PKD1L1: variants seen among roughly 807,000 people sequenced by gnomAD.
PKD1L1 encodes polycystin-1-like protein 1.
A neutral mutation model predicts 323.4 loss-of-function variants in PKD1L1; 236 were observed. The ratio of observed to expected loss-of-function variants is 0.73; its 90% CI spans 0.66 to 0.81. PKD1L1 has a LOEUF of 0.81. Ranked by LOEUF, PKD1L1 falls within the 40% of genes least tolerant of loss-of-function variation. The probability of loss-of-function intolerance (pLI) is 0.00; values close to 1 mark genes in which losing one functional copy is unlikely to be tolerated. For missense variants in PKD1L1, 3,320 were observed against 3,508.0 expected (o/e 0.95, Z 1.35); for synonymous variants, 1,344 against 1,335.0 (o/e 1.01, Z -0.15).
chr7:47,934,848 T>C (rs1185485852), intron 4 of PKD1L1, among the ~76,000 whole-genome samples: 1 of 152,086 alleles, frequency 6.6e-6, no homozygotes, highest in Non-Finnish European at 1.5e-5. Context: ...AGGTCTTCTG[T>C]TGCTAGGAAG....
rs764301663 is a variant in PKD1L1, at chr7:47,946,561, C to T, written c.44+1836G>A. The stretch of plus-strand genomic sequence containing the variant: ...CACATTACACACACATCACACAGCA[C>T]ACACCATGTATCACACACACACCAT... On this transcript the variant is annotated intron_variant, in intron 1 of 56. Transcript: ENST00000289672. The surrounding 1 kb of genome is among the most constrained non-coding windows in gnomAD (Gnocchi z 4.1). 6.6e-6 allele frequency among the ~76,000 whole-genome samples: 1 copy of T among 151,268 alleles called. No individual in the cohort carries two copies. The highest frequency in any genetic ancestry group is 1.5e-5 in the Non-Finnish European group (1 of 67,808).
chr7:47,937,215 A>T (rs1368052473), intron 3 of PKD1L1, among the ~76,000 whole-genome samples: 1 of 103,174 alleles, frequency 9.7e-6, no homozygotes, highest in Non-Finnish European at 1.9e-5. Flanking sequence ...GCGGAAGAAT[A>T]GAGCTGCAGG....
rs1450597305 is a variant in PKD1L1, at chr7:47,803,302, A to T, written c.7870T>A (p.Leu2624Ile). The T allele has an allele frequency of 6.2e-7, 1 of 1,614,158 alleles. No homozygotes were observed. The highest frequency in any genetic ancestry group is 2.2e-5 in the East Asian group (1 of 44,876). ...LRGILLFLFT[L>I]KCVYLPGIQN... is the part of the protein sequence containing the mutation. ...ATGCCAGGAAGATAGACGCATTTTA[A>T]TGTGAAGAGGAATAAGAGGATTCCC... The change falls in exon 53 of 57, where the codon TTA becomes ATA. Residue 2624 changes from leucine (L) to isoleucine (I), a missense_variant. Physicochemically the swap from Leu to Ile is conservative, Grantham distance 5. Transcript: ENST00000289672.
At position 47,829,556 on chromosome 7, in the gene PKD1L1, TG is replaced by T; in HGVS notation, c.6603del (p.Asp2201GlufsTer67). 1 of 1,613,404 alleles carries T rather than the reference TG, an allele frequency of 6.2e-7. No homozygotes were observed. Among genetic ancestry groups the T allele is most frequent in the Non-Finnish European group, 8.5e-7 (1 of 1,179,836 alleles). ...CATAAAGACTCAGTAAAAAAGTGGT[TG>T]TCAGCTCTTCTTTTCCAAGCAAAAC... ...ALGFAWKRRADNHFFTESLCE... is the reference protein window; with the variant it reads ...ALGFAWKRRAXNHFFTESLCE... On this transcript the variant is annotated frameshift_variant, in exon 44 of 57. Coordinates refer to ENST00000289672, the MANE Select transcript of PKD1L1 (RefSeq NM_138295.5). LOFTEE classifies it high-confidence loss of function.
chr7:47,792,404 C>G (rs1786971123), intron 56 of PKD1L1, among the ~76,000 whole-genome samples: 1 of 152,068 alleles, frequency 6.6e-6, no homozygotes, highest in Non-Finnish European at 1.5e-5. Context: ...AAGGGGCAGA[C>G]AGATACTTAT....
intron 52 of PKD1L1, among the ~76,000 whole-genome samples, chr7:47,806,030 T>A (rs1032602510): frequency 1.3e-4 from 20 of 151,988 alleles, no homozygotes; most frequent in Admixed American, 1.3e-3. Context: ...CCCAGGTAAG[T>A]TTTTCTGGCA....
rs149749488 is a variant in PKD1L1, at chr7:47,837,041, C to T, written c.5823G>A (p.Ser1941=). Residue 1941 remains serine, a synonymous_variant, in exon 37 of 57, where the codon TCG becomes TCA. Transcript: ENST00000289672. ...GGCTGGAGGAGGGCCTGCTGTACAC[C>T]GACAGCCAGACATGGAAATCCTCCA... ...EYLEDFHVWL[S]VYSRPSSSRY... The T allele has an allele frequency of 9.9e-6, 16 of 1,614,100 alleles. No homozygotes were observed. The highest frequency in any genetic ancestry group is 9.3e-5 in the African/African-American group (7 of 75,060).
At chr7:47,947,893 A>G (rs777428433) in intron 1 of PKD1L1, among the ~76,000 whole-genome samples, 5 of 151,856 alleles carry the variant, frequency 3.3e-5, no homozygotes, top group Non-Finnish European at 7.4e-5. Context: ...GCATGAACCC[A>G]GGAGGCAGAG....
chr7:47,839,787 G>A lies in PKD1L1; in HGVS notation c.5553-125C>T. On this transcript the variant is annotated intron_variant, in intron 35 of 56. Transcript: ENST00000289672. This position sits in a 1 kb window ranked among gnomAD's most constrained non-coding sequence, Gnocchi z 4.3. ...AGAGGGTGGATGGGACATGTCAAAG[G>A]TGACTGACATGCAGAGTGACATGTG... 3 of 928,308 alleles carry A rather than the reference G, an allele frequency of 3.2e-6. No homozygotes were observed. In the South Asian group the frequency reaches 5.1e-5, roughly 16 times the overall value. 57.5% of individuals were successfully genotyped at this position (928,308 alleles called of 1,614,324 possible).
In PKD1L1 at chr7:47,835,114, G is replaced by C; in HGVS notation, c.6054+19C>G. 1 of 1,602,650 alleles carries C rather than the reference G, an allele frequency of 6.2e-7. No individual in the cohort carries two copies. The highest frequency in any genetic ancestry group is 1.3e-5 in the African/African-American group (1 of 74,474). On this transcript the variant is annotated intron_variant, in intron 38 of 56. Coordinates refer to ENST00000289672, the MANE Select transcript of PKD1L1 (RefSeq NM_138295.5). ...GGGCTGCTCAGGAGAACAGGGCCAT[G>C]AGGACAAGTCGCAGGTACCTTGCTG...
intron 52 of PKD1L1, among the ~76,000 whole-genome samples, chr7:47,807,447 C>T (rs1784803821): frequency 6.6e-6 from 1 of 151,956 alleles, no homozygotes; most frequent in Non-Finnish European, 1.5e-5. Flanking sequence ...GGGAACTGGC[C>T]CTTGTTCTCT....
intron 8 of PKD1L1, among the ~76,000 whole-genome samples, chr7:47,913,119 A>G (rs955752082): frequency 2.6e-5 from 4 of 152,160 alleles, no homozygotes; most frequent in African/African-American, 9.7e-5. Flanking sequence ...TGGAAAGACA[A>G]CCAGATTCCC....
Position 47,837,063 on chromosome 7 carries a change from T to C in PKD1L1, c.5801A>G (p.Glu1934Gly). Residue 1934 changes from glutamate (E) to glycine (G), a missense_variant, in exon 37 of 57, where the codon GAG (glutamate) becomes GGG (glycine). By Grantham distance (98) the Glu-to-Gly change is moderately conservative (BLOSUM62 -2). Coordinates refer to ENST00000289672, the MANE Select transcript of PKD1L1 (RefSeq NM_138295.5). Reference protein sequence around the residue: ...LFYCKFTEYLEDFHVWLSVYS... With the variant: ...LFYCKFTEYLGDFHVWLSVYS... Reference sequence around the variant, plus strand: ...CACCGACAGCCAGACATGGAAATCCTCCAGGTACTCTGTGAACTTGCAATA... The same window carrying C: ...CACCGACAGCCAGACATGGAAATCCCCCAGGTACTCTGTGAACTTGCAATA... 6.2e-7 allele frequency: 1 copy of C among 1,614,204 alleles called. No homozygotes were observed. The highest frequency in any genetic ancestry group is 2.2e-5 in the East Asian group (1 of 44,890).
the PKD1L1 span, among the ~76,000 whole-genome samples, chr7:47,959,717 C>T: frequency 5.9e-4 from 81 of 138,246 alleles, no homozygotes; most frequent in Non-Finnish European, 1.0e-3. Context: ...GCCCCCCGCC[C>T]AGCCAGCCGC....
chr7:47,883,486 A>T (rs1353614144), intron 19 of PKD1L1, among the ~76,000 whole-genome samples: 1 of 152,214 alleles, frequency 6.6e-6, no homozygotes, highest in Non-Finnish European at 1.5e-5. Flanking sequence ...CCTTGGCTTA[A>T]GGGCTCCCCT....
At position 47,905,968 on chromosome 7, in the gene PKD1L1, A is replaced by G. The variant is rs1443306819; in HGVS notation, c.1403-6T>C. 6.3e-7 allele frequency: 1 copy of G among 1,583,618 alleles called. No homozygotes were observed. Among genetic ancestry groups the G allele is most frequent in the Non-Finnish European group, 8.6e-7 (1 of 1,167,966 alleles). The stretch of plus-strand genomic sequence containing the variant: ...GTGATGTATAACCACAGTGCCTAAA[A>G]TGAGAAAAAAAGGAGATAAGAGAAA... On this transcript the variant is annotated splice_polypyrimidine_tract_variant and splice_region_variant and intron_variant, in intron 9 of 56. Coordinates refer to ENST00000289672, the MANE Select transcript of PKD1L1 (RefSeq NM_138295.5).
At chr7:47,907,988 T>C in intron 9 of PKD1L1, 89 bp downstream of exon 9, 1 of 1,291,708 alleles carries the variant, frequency 7.7e-7, no homozygotes, top group South Asian at 1.6e-5. Context: ...TTAGAACTGC[T>C]ATAACTTGAA....
chr7:47,880,678 G>A (rs200277699), intron 21 of PKD1L1, 50 bp downstream of exon 21: 331 of 1,422,982 alleles, frequency 2.3e-4, no homozygotes, highest in Non-Finnish European at 2.8e-4. Flanking sequence ...TCACAGAGAC[G>A]CAGCAGGACT....
rs761458792 is a variant in PKD1L1, at chr7:47,929,455, A to C, written c.809T>G (p.Leu270Arg). Reference sequence around the variant, plus strand: ...AGGAGGATGCTGAGTAGGGGGATAGAGGATCTCAGAACCAGACTGCGATGC... The same window carrying C: ...AGGAGGATGCTGAGTAGGGGGATAGCGGATCTCAGAACCAGACTGCGATGC... The part of the protein sequence containing the change: ...FTASQSGSEI[L>R]YPPTQHPPVA... The change falls in exon 7 of 57, where the codon CTC becomes CGC. Residue 270 changes from leucine (L) to arginine (R), a missense_variant. Leu to Arg is a moderately radical substitution (Grantham distance 102, BLOSUM62 -2). Transcript: ENST00000289672. The C allele has an allele frequency of 6.2e-7, 1 of 1,614,108 alleles. No homozygotes were observed. The highest frequency in any genetic ancestry group is 1.7e-5 in the Admixed American group (1 of 60,026).
Sources: gnomAD v4.1 joint callset for allele counts (sites outside exome capture counted in the v4.1 genomes callset) on GRCh38, gnomAD v4.1.1 for gene constraint, Gnocchi (gnomAD v3.1) non-coding constraint, MANE v1.5 for transcripts, NCBI Gene and HGNC (gene_info 2026-07-23, HGNC 2026-07-21) for gene names.